Variants in IMMP2L observed in about 807,000 individuals in gnomAD.
IMMP2L encodes the protein mitochondrial inner membrane protease subunit 2.
IMMP2L carries 18 observed loss-of-function variants against 19.3 expected under a neutral mutation model. The ratio of observed to expected loss-of-function variants is 0.93; its 90% CI spans 0.64 to 1.38. IMMP2L has a LOEUF of 1.38. Among genes scored for constraint, IMMP2L ranks in the 40% most tolerant of loss-of-function variants. The pLI, the probability that IMMP2L is intolerant of heterozygous loss-of-function variation, is 0.00. For missense variants in IMMP2L, 233 were observed against 218.2 expected, an observed-to-expected ratio of 1.07 and a Z score of -0.43; for synonymous variants, 76 against 73.0, an observed-to-expected ratio of 1.04 and a Z score of -0.21.
Position 111,403,169 on chromosome 7 carries a change from T to C in IMMP2L, c.239+84069A>G, listed in dbSNP as rs1283742556. On this transcript the variant is annotated intron_variant, in intron 3 of 5. Coordinates refer to ENST00000405709, the MANE Select transcript of IMMP2L (RefSeq NM_032549.4). ...AGGAAGGGACCTGGTGGGAGGTGAC[T>C]GTATCACAGGGCGGTTTCCCCATGC... is the stretch of plus-strand genomic sequence containing the variant. 2.6e-5 allele frequency among the ~76,000 whole-genome samples: 4 copies of C among 152,050 alleles called. 1 individual carries two copies. Among genetic ancestry groups the C allele is most frequent in the South Asian group, 4.1e-4 (2 of 4,824 alleles).
chr7:111,329,679 A>G (rs1825685708), intron 3 of IMMP2L, among the ~76,000 whole-genome samples: 1 of 151,918 alleles, frequency 6.6e-6, no homozygotes, highest in African/African-American at 2.4e-5. Context: ...ACAACAGGAG[A>G]GGTTTCTTTG....
chr7:111,067,738 G>A (rs1196787590), intron 3 of IMMP2L, among the ~76,000 whole-genome samples: 6 of 152,172 alleles, frequency 3.9e-5, no homozygotes, highest in Non-Finnish European at 8.8e-5. Flanking sequence ...AAGTTACATG[G>A]TTAAGAGGTG....
chr7:110,963,933 C>T (rs1008892885), intron 3 of IMMP2L, among the ~76,000 whole-genome samples: 1 of 150,466 alleles, frequency 6.6e-6, no homozygotes, highest in East Asian at 2.0e-4. Flanking sequence ...GAATTGTAAT[C>T]CCCATGTGTA....
intron 3 of IMMP2L, among the ~76,000 whole-genome samples, chr7:111,324,901 C>G (rs1336368854): frequency 2.0e-5 from 3 of 151,822 alleles, no homozygotes; most frequent in Admixed American, 6.6e-5. Flanking sequence ...GCTTCACAAT[C>G]TGTTAATTTT....
At chr7:111,305,257 A>G (rs1445023516) in intron 3 of IMMP2L, among the ~76,000 whole-genome samples, 1 of 152,178 alleles carries the variant, frequency 6.6e-6, no homozygotes, top group Admixed American at 6.6e-5. Context: ...TTAGCAACCC[A>G]GAATAGCAGT....
At chr7:111,481,652 C>T (rs977573135) in intron 3 of IMMP2L, among the ~76,000 whole-genome samples, 1 of 151,398 alleles carries the variant, frequency 6.6e-6, no homozygotes, top group African/African-American at 2.4e-5. Flanking sequence ...GCCTTTGGAC[C>T]TGATCACTCC....
At chr7:111,218,244 G>C (rs1481521628) in intron 3 of IMMP2L, among the ~76,000 whole-genome samples, 3 of 151,900 alleles carry the variant, frequency 2.0e-5, no homozygotes, top group African/African-American at 4.8e-5. Context: ...CACCAGACCT[G>C]GTAAACCAAG....
chr7:110,831,732 C>G (rs561227176), intron 5 of IMMP2L, among the ~76,000 whole-genome samples: 1 of 152,238 alleles, frequency 6.6e-6, no homozygotes, highest in Non-Finnish European at 1.5e-5. Context: ...TCTGGCCTGA[C>G]GAAAATACTA....
intron 5 of IMMP2L, among the ~76,000 whole-genome samples, chr7:110,788,957 A>G (rs1021418131): frequency 6.6e-6 from 1 of 151,692 alleles, no homozygotes; most frequent in African/African-American, 2.4e-5. Flanking sequence ...TGCAATTCCA[A>G]TTGGCTCTCT....
At chr7:111,237,371 A>G (rs1814457091) in intron 3 of IMMP2L, among the ~76,000 whole-genome samples, 1 of 152,144 alleles carries the variant, frequency 6.6e-6, no homozygotes, top group African/African-American at 2.4e-5. Context: ...CTGGAAGATT[A>G]CAAACTAGCA....
chr7:111,340,744 T>C (rs998521973), intron 3 of IMMP2L, among the ~76,000 whole-genome samples: 2 of 152,082 alleles, frequency 1.3e-5, no homozygotes, highest in Non-Finnish European at 2.9e-5. Flanking sequence ...AAAGGAATAC[T>C]ACATAGCAAA....
chr7:110,696,010 G>A (rs964131308), intron 5 of IMMP2L, among the ~76,000 whole-genome samples: 11 of 152,180 alleles, frequency 7.2e-5, no homozygotes, highest in African/African-American at 2.7e-4. Context: ...GGATCATTCA[G>A]AAGAAAGAGA....
At chr7:110,894,812 C>T (rs748839550) in intron 4 of IMMP2L, among the ~76,000 whole-genome samples, 7 of 152,026 alleles carry the variant, frequency 4.6e-5, no homozygotes, top group South Asian at 2.1e-4. Context: ...GTGTTTTCTT[C>T]GTCTGGTTTT....
At chr7:111,181,263 A>C (rs1281753419) in intron 3 of IMMP2L, among the ~76,000 whole-genome samples, 1 of 152,030 alleles carries the variant, frequency 6.6e-6, no homozygotes, top group African/African-American at 2.4e-5. Flanking sequence ...TCTTCATGTG[A>C]CTTTCTAAAA....
intron 5 of IMMP2L, among the ~76,000 whole-genome samples, chr7:110,836,609 A>C (rs1400338634): frequency 1.3e-5 from 2 of 152,092 alleles, no homozygotes; most frequent in African/African-American, 2.4e-5. Flanking sequence ...GTAAATTGCC[A>C]GTCTTGGGTA....
In IMMP2L at chr7:111,154,780, G is replaced by T. The variant is rs577027854; in HGVS notation, c.240-191215C>A. ...TGTTATTGTTGTTTTTTGACACAAGGTCTCACTCTGTCAGTCACCCAAGCC... is the reference window on the plus strand; with the variant it reads ...TGTTATTGTTGTTTTTTGACACAAGTTCTCACTCTGTCAGTCACCCAAGCC... On this transcript the variant is annotated intron_variant, in intron 3 of 5. Transcript: ENST00000405709. Among the ~76,000 whole-genome samples, 10 of 152,130 alleles carry T rather than the reference G, an allele frequency of 6.6e-5. No homozygotes were observed. In the South Asian group the frequency reaches 2.1e-3, roughly 32 times the overall value.
intron 2 of IMMP2L, among the ~76,000 whole-genome samples, chr7:111,503,488 G>A (rs1844527881): frequency 6.6e-6 from 1 of 152,142 alleles, no homozygotes; most frequent in Non-Finnish European, 1.5e-5. Flanking sequence ...GCATCATCCT[G>A]ATACCAAAGC....
intron 3 of IMMP2L, among the ~76,000 whole-genome samples, chr7:111,219,537 A>C (rs1318134929): frequency 6.6e-6 from 1 of 152,054 alleles, no homozygotes; most frequent in Non-Finnish European, 1.5e-5. Flanking sequence ...TCATAAAATT[A>C]ATTCACATAT....
intron 3 of IMMP2L, among the ~76,000 whole-genome samples, chr7:111,293,193 T>C (rs1004146619): frequency 6.6e-6 from 1 of 151,982 alleles, no homozygotes; most frequent in African/African-American, 2.4e-5. Flanking sequence ...TGATTGAGCA[T>C]TAGACCAAAA....
Sources: gnomAD v4.1 joint callset for allele counts (sites outside exome capture counted in the v4.1 genomes callset) on GRCh38, gnomAD v4.1.1 for gene constraint, MANE v1.5 for transcripts, NCBI Gene and HGNC (gene_info 2026-07-23, HGNC 2026-07-21) for gene names.